Variants in LRRN3 observed in about 807,000 individuals in gnomAD.
LRRN3 encodes leucine rich repeat neuronal 3.
A neutral mutation model predicts 40.1 loss-of-function variants in LRRN3; 15 were observed. The observed-to-expected ratio is 0.37, with a 90% CI of 0.25 to 0.58. The LOEUF (loss-of-function observed/expected upper bound fraction) is 0.58. LRRN3 is among the 20% of genes least tolerant of loss of function. The pLI is 0.72. For missense variants in LRRN3, 746 were observed against 837.7 expected (o/e 0.89, Z 1.35); for synonymous variants, 308 against 297.2 (o/e 1.04, Z -0.37).
chr7:111,106,989 G>A (rs1276048769), intron 2 of LRRN3, among the ~76,000 whole-genome samples: 1 of 151,760 alleles, frequency 6.6e-6, no homozygotes, highest in Non-Finnish European at 1.5e-5. Flanking sequence ...ATATTAAAAT[G>A]CAAAAACAAT....
At chr7:111,099,436 A>G (rs1044534696) in intron 1 of LRRN3, among the ~76,000 whole-genome samples, 1 of 151,718 alleles carries the variant, frequency 6.6e-6, no homozygotes, top group African/African-American at 2.4e-5. Context: ...TGAAAGCTGT[A>G]ATTTGCTTTT....
At chr7:111,109,434 T>C (rs1798930067) in intron 2 of LRRN3, among the ~76,000 whole-genome samples, 1 of 152,156 alleles carries the variant, frequency 6.6e-6, no homozygotes, top group Non-Finnish European at 1.5e-5. Flanking sequence ...AGTATAGGCT[T>C]ACTCAGTGAG....
intron 1 of LRRN3, among the ~76,000 whole-genome samples, chr7:111,094,867 C>A (rs1797240696): frequency 6.6e-6 from 1 of 151,956 alleles, no homozygotes; most frequent in African/African-American, 2.4e-5. Flanking sequence ...AGGGATAAAT[C>A]GGAACGTTTT....
rs544208433 is a variant in LRRN3 at position 111,111,655 on chromosome 7, A to T, written c.-358-10760A>T. Among the ~76,000 whole-genome samples the T allele has an allele frequency of 4.6e-5, 7 of 152,114 alleles. No individual in the cohort carries two copies. The East Asian group carries it at 1.4e-3, about 29-fold the overall frequency. On this transcript the variant is annotated intron_variant, in intron 2 of 2. Coordinates refer to ENST00000308478, the MANE Select transcript of LRRN3 (RefSeq NM_001099658.2). Reference sequence around the variant, plus strand: ...GAACAGAAATAATGTGAATCAACTAATGTCCCCCCCTGCGTCAATAGTAAT... The same window carrying T: ...GAACAGAAATAATGTGAATCAACTATTGTCCCCCCCTGCGTCAATAGTAAT...
intron 2 of LRRN3, among the ~76,000 whole-genome samples, 168 bp downstream of exon 2, chr7:111,100,130 CT>C (rs1033359748): frequency 1.3e-5 from 2 of 151,296 alleles, no homozygotes; most frequent in African/African-American, 4.8e-5. Context: ...GCATGTATTT[CT>C]TTTTTTTAAA....
At chr7:111,112,375 A>G (rs1277537010) in intron 2 of LRRN3, among the ~76,000 whole-genome samples, 1 of 152,168 alleles carries the variant, frequency 6.6e-6, no homozygotes, top group Non-Finnish European at 1.5e-5. Flanking sequence ...TCTGTCTGTC[A>G]CTTCGTACTT....
intron 2 of LRRN3, among the ~76,000 whole-genome samples, chr7:111,107,363 GT>G (rs1798665175): frequency 6.6e-6 from 1 of 151,972 alleles, no homozygotes; most frequent in Admixed American, 6.6e-5. Flanking sequence ...ACATTCTGTT[GT>G]AAACAGTTTA....
intron 1 of LRRN3, among the ~76,000 whole-genome samples, chr7:111,098,259 C>T (rs562362196): frequency 7.9e-4 from 120 of 151,866 alleles, no homozygotes; most frequent in African/African-American, 2.7e-3. Flanking sequence ...TTATTACTCA[C>T]GTATTTTTTA....
intron 2 of LRRN3, among the ~76,000 whole-genome samples, chr7:111,121,795 A>T (rs1395806811): frequency 2.0e-5 from 3 of 152,236 alleles, no homozygotes; most frequent in Non-Finnish European, 2.9e-5. Context: ...TTATTGCAGC[A>T]GTATTCACAA....
intron 2 of LRRN3, among the ~76,000 whole-genome samples, chr7:111,110,997 C>A (rs973632121): frequency 1.3e-5 from 2 of 151,900 alleles, no homozygotes; most frequent in Non-Finnish European, 2.9e-5. Flanking sequence ...AATATAAAAC[C>A]ATTTGCTTTT....
intron 2 of LRRN3, among the ~76,000 whole-genome samples, chr7:111,107,210 T>C (rs1243756283): frequency 6.6e-6 from 1 of 151,972 alleles, no homozygotes; most frequent in African/African-American, 2.4e-5. Context: ...TCCTTCTCTC[T>C]TTCCTCTCCC....
rs1343539403 is a variant in LRRN3, at chr7:111,124,994, C to A, written c.*95C>A. 2 of 905,388 alleles carry A rather than the reference C, an allele frequency of 2.2e-6. No individual in the cohort carries two copies. The highest frequency in any genetic ancestry group is 3.3e-6 in the Non-Finnish European group (2 of 614,002). 56.1% of individuals were successfully genotyped at this position (905,388 alleles called of 1,614,324 possible). On this transcript the variant is annotated 3_prime_UTR_variant, in exon 3 of 3. Transcript: ENST00000308478. ...AAACAAAACAAAACAAACAAACAAA[C>A]AAAAAAGTAAAAAAAGATTACTTTC...
chr7:111,108,551 T>A (rs1489763505), intron 2 of LRRN3, among the ~76,000 whole-genome samples: 1 of 152,156 alleles, frequency 6.6e-6, no homozygotes, highest in East Asian at 1.9e-4. Flanking sequence ...CTCCATTAGT[T>A]TCCTCACAAC....
chr7:111,106,934 TA>T (rs1167713808), intron 2 of LRRN3, among the ~76,000 whole-genome samples: 2 of 151,946 alleles, frequency 1.3e-5, no homozygotes, highest in African/African-American at 4.8e-5. Context: ...ATTTGCTTAA[TA>T]GCATTTCTAA....
chr7:111,091,429 T>C lies in LRRN3; in HGVS notation c.-516T>C, dbSNP rs2129577888. 1 of 152,304 alleles carries C rather than the reference T, an allele frequency of 6.6e-6. No individual in the cohort carries two copies. The highest frequency in any genetic ancestry group is 6.5e-5 in the Admixed American group (1 of 15,290). 9.4% of individuals were successfully genotyped at this position (152,304 alleles called of 1,614,324 possible). A position where few individuals can be genotyped will look rare whatever the true frequency, so the allele number is the denominator to read the frequency against. On this transcript the variant is annotated 5_prime_UTR_variant, in exon 1 of 3. Transcript: ENST00000308478. ...CCGGGCAAGAACACAACCATGTGAT[T>C]ATCTCAACCAAGGAACTGAGGAATC...
In LRRN3 at chr7:111,123,680, T is replaced by G. The variant is rs753149366; in HGVS notation, c.908T>G (p.Leu303Arg). 13 of 1,613,998 alleles carry G rather than the reference T, an allele frequency of 8.1e-6. No homozygotes were observed. The highest frequency in any genetic ancestry group is 6.7e-5 in the East Asian group (3 of 44,868). ...NMPELISIDSLAVDNLPDLRK... is the reference protein window; with the variant it reads ...NMPELISIDSRAVDNLPDLRK... ...CCTGAGCTGATTTCCATCGATAGTC[T>G]TGCTGTGGATAACCTGCCAGATTTA... Residue 303 changes from leucine (L) to arginine (R), a missense_variant, in exon 3 of 3, where the codon CTT (leucine) becomes CGT (arginine). By Grantham distance (102) the Leu-to-Arg change is moderately radical (BLOSUM62 -2). Transcript: ENST00000308478. This position sits in a 1 kb window ranked among gnomAD's most constrained non-coding sequence, Gnocchi z 6.4.
chr7:111,117,651 G>T (rs147594495), intron 2 of LRRN3, among the ~76,000 whole-genome samples: 26 of 152,048 alleles, frequency 1.7e-4, no homozygotes, highest in African/African-American at 6.3e-4. Context: ...AATACCTCTG[G>T]GATATGGAAC....
intron 1 of LRRN3, among the ~76,000 whole-genome samples, chr7:111,093,885 C>A (rs911520686): frequency 6.6e-6 from 1 of 151,970 alleles, no homozygotes; most frequent in Non-Finnish European, 1.5e-5. Flanking sequence ...TTCAGGGTGT[C>A]GCTTGTCACA....
chr7:111,120,926 T>C (rs1357553611), intron 2 of LRRN3, among the ~76,000 whole-genome samples: 1 of 149,338 alleles, frequency 6.7e-6, no homozygotes, highest in African/African-American at 2.6e-5. Context: ...TTATGTTGCC[T>C]CTCTAACAGG....
Sources: allele counts gnomAD v4.1 joint callset (sites outside exome capture counted in the v4.1 genomes callset), GRCh38; gene constraint gnomAD v4.1.1; non-coding constraint Gnocchi (gnomAD v3.1); transcripts MANE v1.5; gene names NCBI Gene and HGNC (gene_info 2026-07-23, HGNC 2026-07-21).